RGS7: variants seen among roughly 807,000 people sequenced by gnomAD.
RGS7 encodes the protein regulator of G protein signaling 7, also known as regulator of G-protein signaling 7.
Under a neutral mutation model 81.1 loss-of-function variants are expected in RGS7, and 27 were observed. That is an observed-to-expected ratio of 0.33 (90% CI 0.25 to 0.46). The LOEUF (loss-of-function observed/expected upper bound fraction) is 0.46, where lower values mean the gene tolerates loss of function less well. Ranked by LOEUF, RGS7 falls within the 20% of genes least tolerant of loss-of-function variation. RGS7 has a pLI of 1.00. For synonymous variants in RGS7, 208 were observed against 207.7 expected (o/e 1.00, Z -0.01); for missense variants, 396 against 607.4 (o/e 0.65, Z 3.66).
chr1:241,144,687 G>C lies in RGS7; in HGVS notation c.79-45925C>G, dbSNP rs957930744. 1.3e-5 allele frequency among the ~76,000 whole-genome samples: 2 copies of C among 152,102 alleles called. No homozygotes were observed. The highest frequency in any genetic ancestry group is 4.8e-5 in the African/African-American group (2 of 41,400). Reference sequence around the variant, plus strand: ...GATAGCATGGAGGGATGCTAAACTTGGTATTTGAAATCTGTTTTTCCTCAC... The same window carrying C: ...GATAGCATGGAGGGATGCTAAACTTCGTATTTGAAATCTGTTTTTCCTCAC... On this transcript the variant is annotated intron_variant, in intron 2 of 18. Coordinates refer to ENST00000440928, the MANE Select transcript of RGS7 (RefSeq NM_001364886.1). The surrounding 1 kb of genome is among the most constrained non-coding windows in gnomAD (Gnocchi z 4.7).
intron 6 of RGS7, among the ~76,000 whole-genome samples, chr1:240,880,331 G>A (rs555685611): frequency 9.6e-4 from 146 of 152,330 alleles, no homozygotes; most frequent in African/African-American, 3.1e-3. Context: ...GTGGGCCATC[G>A]CTCCTGGCCC....
At chr1:241,012,500 C>A (rs2059009581) in intron 3 of RGS7, among the ~76,000 whole-genome samples, 2 of 152,100 alleles carry the variant, frequency 1.3e-5, no homozygotes, top group South Asian at 4.1e-4. Context: ...AAGATTAAAC[C>A]ACATTTCCAA....
At chr1:241,236,174 C>T (rs1376925890) in intron 2 of RGS7, among the ~76,000 whole-genome samples, 2 of 149,376 alleles carry the variant, frequency 1.3e-5, no homozygotes, top group Admixed American at 6.6e-5. Flanking sequence ...ACCTCCGCCC[C>T]CCATATTTTA....
chr1:241,232,170 G>A (rs1193925565), intron 2 of RGS7, among the ~76,000 whole-genome samples: 1 of 150,548 alleles, frequency 6.6e-6, no homozygotes, highest in Non-Finnish European at 1.5e-5. Flanking sequence ...TCTTAATTCT[G>A]TTCCATTGTT....
intron 2 of RGS7, among the ~76,000 whole-genome samples, chr1:241,262,338 T>C (rs1324386423): frequency 6.6e-6 from 1 of 152,248 alleles, no homozygotes; most frequent in Non-Finnish European, 1.5e-5. Context: ...GACATTTGGA[T>C]GAGAATTGCA....
At chr1:241,208,330 G>C (rs1162970259) in intron 2 of RGS7, among the ~76,000 whole-genome samples, 1 of 152,156 alleles carries the variant, frequency 6.6e-6, no homozygotes, top group African/African-American at 2.4e-5. Context: ...GGGTTGGGAT[G>C]ACTACGCCAG....
chr1:241,265,276 C>T (rs2077527056), intron 2 of RGS7, among the ~76,000 whole-genome samples: 1 of 152,352 alleles, frequency 6.6e-6, no homozygotes, highest in Admixed American at 6.5e-5. Flanking sequence ...TCGGCCATCT[C>T]CATAATCCCT....
At chr1:241,071,065 C>G (rs1255107788) in intron 3 of RGS7, among the ~76,000 whole-genome samples, 1 of 152,132 alleles carries the variant, frequency 6.6e-6, no homozygotes, top group African/African-American at 2.4e-5. Context: ...ACCTAGCTTT[C>G]TCTGGTACTT....
At chr1:240,944,633 A>C (rs1228545612) in intron 4 of RGS7, among the ~76,000 whole-genome samples, 1 of 152,106 alleles carries the variant, frequency 6.6e-6, no homozygotes, top group Non-Finnish European at 1.5e-5. Flanking sequence ...TGTGGAAATC[A>C]TGGGAAAAAA....
chr1:241,095,236 C>G (rs1473286448), intron 3 of RGS7, among the ~76,000 whole-genome samples: 1 of 152,124 alleles, frequency 6.6e-6, no homozygotes, highest in Non-Finnish European at 1.5e-5. Flanking sequence ...AACTTTAGTG[C>G]ACAAATTGAG....
intron 2 of RGS7, among the ~76,000 whole-genome samples, chr1:241,267,304 CA>C (rs2077642973): frequency 6.6e-6 from 1 of 152,204 alleles, no homozygotes; most frequent in Admixed American, 6.5e-5. Context: ...TAGATGACTG[CA>C]CCTGATTACT....
At chr1:241,038,659 T>C (rs976226657) in intron 3 of RGS7, among the ~76,000 whole-genome samples, 1 of 152,170 alleles carries the variant, frequency 6.6e-6, no homozygotes, top group East Asian at 1.9e-4. Flanking sequence ...AGACAACACT[T>C]AGGTCTGCCA....
At chr1:241,294,222 T>C (rs2079257792) in intron 2 of RGS7, among the ~76,000 whole-genome samples, 7 of 150,866 alleles carry the variant, frequency 4.6e-5, no homozygotes, top group Admixed American at 4.6e-4. Context: ...TTCTCACTCA[T>C]AAGTAGGAGT....
intron 2 of RGS7, among the ~76,000 whole-genome samples, chr1:241,157,934 AG>A (rs1300405183): frequency 1.3e-5 from 2 of 148,488 alleles, no homozygotes; most frequent in African/African-American, 5.0e-5. Flanking sequence ...CTCCTGCCTC[AG>A]CCTCCCGAGT....
At chr1:240,903,854 A>C (rs1377421668) in intron 6 of RGS7, among the ~76,000 whole-genome samples, 2 of 152,150 alleles carry the variant, frequency 1.3e-5, no homozygotes, top group East Asian at 3.9e-4. Flanking sequence ...CCTCTCTTGC[A>C]ATGTGATCTC....
At chr1:240,900,789 T>C (rs71648636) in intron 6 of RGS7, among the ~76,000 whole-genome samples, 19,495 of 152,160 alleles carry the variant, frequency 0.13, 1,370 homozygotes, top group Middle Eastern at 0.18. Context: ...TCTCCAACTC[T>C]GTGCTGGGAG....
intron 2 of RGS7, among the ~76,000 whole-genome samples, chr1:241,222,247 C>T (rs921148157): frequency 2.6e-5 from 4 of 152,142 alleles, no homozygotes; most frequent in Non-Finnish European, 5.9e-5. Context: ...TTCCCTTTAT[C>T]GCTGACATTC....
intron 3 of RGS7, among the ~76,000 whole-genome samples, chr1:240,987,426 C>A (rs1192740469): frequency 6.6e-6 from 1 of 152,118 alleles, no homozygotes; most frequent in Admixed American, 6.6e-5. Flanking sequence ...TTTGCTGAAG[C>A]CTCAGAACCA....
At chr1:241,347,329 C>T (rs963967357) in intron 2 of RGS7, among the ~76,000 whole-genome samples, 16 of 152,164 alleles carry the variant, frequency 1.1e-4, no homozygotes, top group African/African-American at 3.9e-4. Context: ...CATAGCTACT[C>T]AGGGGTGGGG....
Sources: allele counts gnomAD v4.1 joint callset (sites outside exome capture counted in the v4.1 genomes callset), GRCh38; gene constraint gnomAD v4.1.1; non-coding constraint Gnocchi (gnomAD v3.1); transcripts MANE v1.5; gene names NCBI Gene and HGNC (gene_info 2026-07-23, HGNC 2026-07-21).